NKG7: variants seen among roughly 807,000 people sequenced by gnomAD.
NKG7 encodes the protein natural killer cell granule protein 7.
In NKG7, 8 loss-of-function variants were observed where a neutral mutation model predicts 14.7. The observed-to-expected ratio is 0.54, with a 90% CI of 0.32 to 0.98. The LOEUF (loss-of-function observed/expected upper bound fraction) is 0.98. NKG7 is among the 50% of genes least tolerant of loss of function. The pLI is 0.04. For synonymous variants in NKG7, 95 were observed against 90.7 expected (o/e 1.05, Z -0.27); for missense variants, 215 against 211.1 (o/e 1.02, Z -0.11).
At position 51,371,873 on chromosome 19, in the gene NKG7, CCT is replaced by C; in HGVS notation, c.440-40_440-39del. 6.2e-7 allele frequency: 1 copy of C among 1,606,502 alleles called. No homozygotes were observed. Among genetic ancestry groups the C allele is most frequent in the Non-Finnish European group, 8.5e-7 (1 of 1,175,172 alleles). ...AAAGAGTTTAAGCACTTGCCCCTGC[CCT>C]CTGTCCTCAGGGACCCCAACTGGAC... On this transcript the variant is annotated intron_variant, in intron 3 of 3. Coordinates refer to ENST00000221978, the MANE Select transcript of NKG7 (RefSeq NM_005601.4). The surrounding 1 kb of genome is among the most constrained non-coding windows in gnomAD (Gnocchi z 4.2).
chr19:51,372,531 T>C lies in NKG7; in HGVS notation c.5A>G (p.Glu2Gly). 1 of 1,613,646 alleles carries C rather than the reference T, an allele frequency of 6.2e-7. No individual in the cohort carries two copies. The highest frequency in any genetic ancestry group is 1.1e-5 in the South Asian group (1 of 91,068). The change falls in exon 1 of 4, where the codon GAG becomes GGG. Residue 2 changes from glutamate to glycine, a missense_variant. Transcript: ENST00000221978. The surrounding 1 kb of genome is among the most constrained non-coding windows in gnomAD (Gnocchi z 4.8). ...CAGCAGGGCCAGGGACCGGCAGAGC[T>C]CCATGGGGATAAGCTCAGGGCTTCT... is the stretch of plus-strand genomic sequence containing the variant. The part of the protein sequence containing the change: M[E>G]LCRSLALLGG...
chr19:51,372,520 A>T lies in NKG7; in HGVS notation c.16T>A (p.Ser6Thr). 6.2e-7 allele frequency: 1 copy of T among 1,613,956 alleles called. No individual in the cohort carries two copies. The highest frequency in any genetic ancestry group is 8.5e-7 in the Non-Finnish European group (1 of 1,179,970). MELCR[S>T]LALLGGSLGL... ...AGGGAGCCCCCCAGCAGGGCCAGGGACCGGCAGAGCTCCATGGGGATAAGC... is the reference window on the plus strand; with the variant it reads ...AGGGAGCCCCCCAGCAGGGCCAGGGTCCGGCAGAGCTCCATGGGGATAAGC... The change falls in exon 1 of 4, where the codon TCC becomes ACC. Residue 6 changes from serine to threonine, a missense_variant. Physicochemically the swap from Ser to Thr is moderately conservative, Grantham distance 58 (BLOSUM62 1). Transcript: ENST00000221978. The surrounding 1 kb of genome is among the most constrained non-coding windows in gnomAD (Gnocchi z 4.8).
chr19:51,372,111 G>C lies in NKG7; in HGVS notation c.305-37C>G. On this transcript the variant is annotated intron_variant, in intron 2 of 3. Transcript: ENST00000221978. This position sits in a 1 kb window ranked among gnomAD's most constrained non-coding sequence, Gnocchi z 4.8. ...GACAAGAGAGATGGCTCAGCTCCTC[G>C]GCAGGAATTCGCTGGCTCGCGATGC... The C allele has an allele frequency of 6.3e-7, 1 of 1,593,882 alleles. No homozygotes were observed. Among genetic ancestry groups the C allele is most frequent in the Non-Finnish European group, 8.6e-7 (1 of 1,167,372 alleles).
rs1434122848 is a variant in NKG7 at position 51,372,058 on chromosome 19, C to A, written c.321G>T (p.Val107=). ...AAFAAAISMV[V]AMAVYTSERW... is the part of the protein sequence containing the mutation. ...GCTCGCTGGTGTACACCGCCATGGC[C>A]ACCACCATGGAGATGGCTGGGGACA... Residue 107 remains valine, a synonymous_variant, in exon 3 of 4, where the codon GTG becomes GTT. Coordinates refer to ENST00000221978, the MANE Select transcript of NKG7 (RefSeq NM_005601.4). The surrounding 1 kb of genome is among the most constrained non-coding windows in gnomAD (Gnocchi z 4.8). 6.2e-7 allele frequency: 1 copy of A among 1,611,720 alleles called. No homozygotes were observed. The highest frequency in any genetic ancestry group is 1.7e-5 in the Admixed American group (1 of 59,726).
At position 51,372,630 on chromosome 19, in the gene NKG7, C is replaced by G. The variant is rs982219806; in HGVS notation, c.-95G>C. On this transcript the variant is annotated 5_prime_UTR_variant, in exon 1 of 4. Coordinates refer to ENST00000221978, the MANE Select transcript of NKG7 (RefSeq NM_005601.4). The surrounding 1 kb of genome is among the most constrained non-coding windows in gnomAD (Gnocchi z 4.8). The stretch of plus-strand genomic sequence containing the variant: ...GAGAAGGAGGCTGTGCACCCAGACT[C>G]CTGGGTCCTTAGAGCCCAAGAAAGA... 3.5e-6 allele frequency: 5 copies of G among 1,421,978 alleles called. No homozygotes were observed. Among genetic ancestry groups the G allele is most frequent in the African/African-American group, 2.9e-5 (2 of 69,806 alleles). 88.1% of individuals were successfully genotyped at this position (1,421,978 alleles called of 1,614,324 possible).
In NKG7 at chr19:51,371,675, G is replaced by T. The variant is rs1440718562; in HGVS notation, c.*102C>A. On this transcript the variant is annotated 3_prime_UTR_variant, in exon 4 of 4. Coordinates refer to ENST00000221978, the MANE Select transcript of NKG7 (RefSeq NM_005601.4). The surrounding 1 kb of genome is among the most constrained non-coding windows in gnomAD (Gnocchi z 4.2). ...AAACAAGAGGAGGGGCTGGGGAAGG[G>T]CTGGAAGGGCGGGCAGATGTGGGAC... The T allele has an allele frequency of 1.6e-6, 2 of 1,288,940 alleles. No homozygotes were observed. Among genetic ancestry groups the T allele is most frequent in the African/African-American group, 1.5e-5 (1 of 66,904 alleles). The allele number at this position is 1,288,940 out of a possible 1,614,324, so 79.8% of individuals were successfully genotyped here. A position where few individuals can be genotyped will look rare whatever the true frequency, so the allele number is the denominator to read the frequency against.
At position 51,372,610 on chromosome 19, in the gene NKG7, G is replaced by A; in HGVS notation, c.-75C>T. ...TCAGACTCTTGAATCTCAGAGAGAA[G>A]GAGGCTGTGCACCCAGACTCCTGGG... On this transcript the variant is annotated 5_prime_UTR_variant, in exon 1 of 4. Transcript: ENST00000221978. The surrounding 1 kb of genome is among the most constrained non-coding windows in gnomAD (Gnocchi z 4.8). 6.5e-7 allele frequency: 1 copy of A among 1,535,070 alleles called. No individual in the cohort carries two copies. Among genetic ancestry groups the A allele is most frequent in the Non-Finnish European group, 8.8e-7 (1 of 1,140,884 alleles).
In NKG7 at chr19:51,371,741, A is replaced by G; in HGVS notation, c.*36T>C. The G allele has an allele frequency of 6.3e-7, 1 of 1,592,664 alleles. No homozygotes were observed. Among genetic ancestry groups the G allele is most frequent in the Admixed American group, 1.7e-5 (1 of 57,960 alleles). On this transcript the variant is annotated 3_prime_UTR_variant, in exon 4 of 4. Transcript: ENST00000221978. This position sits in a 1 kb window ranked among gnomAD's most constrained non-coding sequence, Gnocchi z 4.2. The stretch of plus-strand genomic sequence containing the variant: ...CTCCAGATGAGGCCTTTGGAATACA[A>G]CGCTCAAAACTCATCTTGCCGCTCT...
Position 51,372,204 on chromosome 19 carries a change from TG to T in NKG7, c.260del (p.Pro87GlnfsTer63), listed in dbSNP as rs765087839. 1.5e-5 allele frequency: 25 copies of T among 1,613,080 alleles called. No homozygotes were observed. Among genetic ancestry groups the T allele is most frequent in the Non-Finnish European group, 2.0e-5 (23 of 1,179,440 alleles). On this transcript the variant is annotated frameshift_variant, in exon 2 of 4. Transcript: ENST00000221978. LOFTEE classifies it high-confidence loss of function. This position sits in a 1 kb window ranked among gnomAD's most constrained non-coding sequence, Gnocchi z 4.8. ...TGGTTGAGACAAGCGGGCCGTGGCCTGGGGGGAACAGTGAGGGGAAGCAGGA... is the reference window on the plus strand; with the variant it reads ...TGGTTGAGACAAGCGGGCCGTGGCCTGGGGGAACAGTGAGGGGAAGCAGGA... ...VLSCFPSLFPPGHGPLVSTTA... is the reference protein window; with the variant it reads ...VLSCFPSLFPXGHGPLVSTTA...
In NKG7 at chr19:51,372,129, C is replaced by T. The variant is rs751525827; in HGVS notation, c.304+32G>A. 11 of 1,589,336 alleles carry T rather than the reference C, an allele frequency of 6.9e-6. No homozygotes were observed. The highest frequency in any genetic ancestry group is 4.6e-5 in the South Asian group (4 of 87,654). On this transcript the variant is annotated intron_variant, in intron 2 of 3. Transcript: ENST00000221978. This position sits in a 1 kb window ranked among gnomAD's most constrained non-coding sequence, Gnocchi z 4.8. Reference sequence around the variant, plus strand: ...GCTCCTCGGCAGGAATTCGCTGGCTCGCGATGCCCCAGTCCAGTCCAGAGT... The same window carrying T: ...GCTCCTCGGCAGGAATTCGCTGGCTTGCGATGCCCCAGTCCAGTCCAGAGT...
chr19:51,371,910 G>A lies in NKG7; in HGVS notation c.439+30C>T, dbSNP rs1423612003. On this transcript the variant is annotated intron_variant, in intron 3 of 3. Coordinates refer to ENST00000221978, the MANE Select transcript of NKG7 (RefSeq NM_005601.4). The surrounding 1 kb of genome is among the most constrained non-coding windows in gnomAD (Gnocchi z 4.2). ...GGGACCCCAACTGGACCCTCCCAAAGCTCCCCAGGGCAGTGGGCAGGATAG... is the reference window on the plus strand; with the variant it reads ...GGGACCCCAACTGGACCCTCCCAAAACTCCCCAGGGCAGTGGGCAGGATAG... The A allele has an allele frequency of 2.5e-6, 4 of 1,602,532 alleles. No individual in the cohort carries two copies. Among genetic ancestry groups the A allele is most frequent in the East Asian group, 2.2e-5 (1 of 44,642 alleles).
At position 51,372,111 on chromosome 19, in the gene NKG7, G is replaced by T; in HGVS notation, c.305-37C>A. On this transcript the variant is annotated intron_variant, in intron 2 of 3. Transcript: ENST00000221978. This position sits in a 1 kb window ranked among gnomAD's most constrained non-coding sequence, Gnocchi z 4.8. ...GACAAGAGAGATGGCTCAGCTCCTC[G>T]GCAGGAATTCGCTGGCTCGCGATGC... The T allele has an allele frequency of 6.3e-7, 1 of 1,593,882 alleles. No homozygotes were observed. Among genetic ancestry groups the T allele is most frequent in the African/African-American group, 1.3e-5 (1 of 74,720 alleles).
rs963009753 is a variant in NKG7, at chr19:51,372,586, C to T, written c.-51G>A. The T allele has an allele frequency of 6.3e-7, 1 of 1,591,994 alleles. No individual in the cohort carries two copies. The highest frequency in any genetic ancestry group is 8.5e-7 in the Non-Finnish European group (1 of 1,170,326). ...CCTGGAGGAGGAAGAGGCTGCTGAT[C>T]AGACTCTTGAATCTCAGAGAGAAGG... On this transcript the variant is annotated 5_prime_UTR_variant, in exon 1 of 4. Coordinates refer to ENST00000221978, the MANE Select transcript of NKG7 (RefSeq NM_005601.4). The surrounding 1 kb of genome is among the most constrained non-coding windows in gnomAD (Gnocchi z 4.8).
Position 51,371,902 on chromosome 19 carries a change from C to T in NKG7, c.439+38G>A. ...TGTCCTCAGGGACCCCAACTGGACC[C>T]TCCCAAAGCTCCCCAGGGCAGTGGG... On this transcript the variant is annotated intron_variant, in intron 3 of 3. Transcript: ENST00000221978. The surrounding 1 kb of genome is among the most constrained non-coding windows in gnomAD (Gnocchi z 4.2). 6.2e-7 allele frequency: 1 copy of T among 1,602,578 alleles called. No individual in the cohort carries two copies. Among genetic ancestry groups the T allele is most frequent in the Non-Finnish European group, 8.5e-7 (1 of 1,172,382 alleles).
At position 51,372,156 on chromosome 19, in the gene NKG7, C is replaced by T; in HGVS notation, c.304+5G>A. 1 of 1,602,104 alleles carries T rather than the reference C, an allele frequency of 6.2e-7. No individual in the cohort carries two copies. On this transcript the variant is annotated splice_donor_5th_base_variant and intron_variant, in intron 2 of 3. Transcript: ENST00000221978. This position sits in a 1 kb window ranked among gnomAD's most constrained non-coding sequence, Gnocchi z 4.8. ...CGATGCCCCAGTCCAGTCCAGAGTC[C>T]TTACCTGCAGCAAAGGCTGCGGTGG...
rs1986701393 is a variant in NKG7, at chr19:51,372,592, C to G, written c.-57G>C. 6.3e-7 allele frequency: 1 copy of G among 1,580,632 alleles called. No homozygotes were observed. The highest frequency in any genetic ancestry group is 8.6e-7 in the Non-Finnish European group (1 of 1,164,762). On this transcript the variant is annotated 5_prime_UTR_variant, in exon 1 of 4. Coordinates refer to ENST00000221978, the MANE Select transcript of NKG7 (RefSeq NM_005601.4). The surrounding 1 kb of genome is among the most constrained non-coding windows in gnomAD (Gnocchi z 4.8). ...GGAGGAAGAGGCTGCTGATCAGACT[C>G]TTGAATCTCAGAGAGAAGGAGGCTG...
At position 51,371,909 on chromosome 19, in the gene NKG7, A is replaced by G; in HGVS notation, c.439+31T>C. 1 of 1,603,420 alleles carries G rather than the reference A, an allele frequency of 6.2e-7. No individual in the cohort carries two copies. The highest frequency in any genetic ancestry group is 8.5e-7 in the Non-Finnish European group (1 of 1,172,816). Reference sequence around the variant, plus strand: ...AGGGACCCCAACTGGACCCTCCCAAAGCTCCCCAGGGCAGTGGGCAGGATA... The same window carrying G: ...AGGGACCCCAACTGGACCCTCCCAAGGCTCCCCAGGGCAGTGGGCAGGATA... On this transcript the variant is annotated intron_variant, in intron 3 of 3. Transcript: ENST00000221978. The surrounding 1 kb of genome is among the most constrained non-coding windows in gnomAD (Gnocchi z 4.2).
Position 51,372,139 on chromosome 19 carries a change from C to T in NKG7, c.304+22G>A, listed in dbSNP as rs561618955. ...AGGAATTCGCTGGCTCGCGATGCCC[C>T]AGTCCAGTCCAGAGTCCTTACCTGC... On this transcript the variant is annotated intron_variant, in intron 2 of 3. Coordinates refer to ENST00000221978, the MANE Select transcript of NKG7 (RefSeq NM_005601.4). This position sits in a 1 kb window ranked among gnomAD's most constrained non-coding sequence, Gnocchi z 4.8. The T allele has an allele frequency of 1.3e-6, 2 of 1,593,746 alleles. No individual in the cohort carries two copies. The highest frequency in any genetic ancestry group is 2.3e-5 in the South Asian group (2 of 87,718).
At position 51,371,896 on chromosome 19, in the gene NKG7, T is replaced by A. The variant is rs375198534; in HGVS notation, c.439+44A>T. 2.4e-5 allele frequency: 39 copies of A among 1,603,386 alleles called. No individual in the cohort carries two copies. In the African/African-American group the frequency reaches 4.8e-4, roughly 20 times the overall value. On this transcript the variant is annotated intron_variant, in intron 3 of 3. Coordinates refer to ENST00000221978, the MANE Select transcript of NKG7 (RefSeq NM_005601.4). This position sits in a 1 kb window ranked among gnomAD's most constrained non-coding sequence, Gnocchi z 4.2. ...GCCCTCTGTCCTCAGGGACCCCAAC[T>A]GGACCCTCCCAAAGCTCCCCAGGGC...
Sources: gnomAD v4.1 joint callset for allele counts on GRCh38, gnomAD v4.1.1 for gene constraint, Gnocchi (gnomAD v3.1) non-coding constraint, MANE v1.5 for transcripts, NCBI Gene and HGNC (gene_info 2026-07-23, HGNC 2026-07-21) for gene names.